TENM2: variants seen among roughly 807,000 people sequenced by gnomAD.
TENM2 encodes teneurin transmembrane protein 2.
In TENM2, 52 loss-of-function variants were observed where a neutral mutation model predicts 245.2. The observed-to-expected ratio is 0.21, with a 90% confidence interval of 0.17 to 0.27. The LOEUF (loss-of-function observed/expected upper bound fraction) is 0.27, where lower values mean the gene tolerates loss of function less well. Among genes scored for constraint, TENM2 ranks in the 10% least tolerant of loss-of-function variants. The pLI, the probability that TENM2 is intolerant of heterozygous loss-of-function variation, is 1.00. For missense variants in TENM2, 3,046 were observed against 3,666.8 expected (o/e 0.83, Z 4.37); for synonymous variants, 1,363 against 1,438.9 (o/e 0.95, Z 1.19).
chr5:168,168,948 C>G (rs959417574), intron 13 of TENM2, among the ~76,000 whole-genome samples: 1 of 152,070 alleles, frequency 6.6e-6, no homozygotes, highest in African/African-American at 2.4e-5. Flanking sequence ...TGAAAATAAG[C>G]CTTTAGAAAT....
the TENM2 span, among the ~76,000 whole-genome samples, chr5:167,111,873 C>T: frequency 5.9e-5 from 9 of 152,126 alleles, no homozygotes; most frequent in Non-Finnish European, 1.2e-4. Flanking sequence ...TCCTATTATG[C>T]CTCATCCAAA....
intron 13 of TENM2, among the ~76,000 whole-genome samples, chr5:168,163,247 T>G (rs990120243): frequency 2.0e-5 from 3 of 152,206 alleles, no homozygotes; most frequent in Non-Finnish European, 4.4e-5. Context: ...TTAGTAAAAT[T>G]GAGACCCAAA....
the TENM2 span, among the ~76,000 whole-genome samples, chr5:167,010,249 G>T: frequency 2.0e-4 from 31 of 152,280 alleles, no homozygotes; most frequent in Admixed American, 1.8e-3. Flanking sequence ...CGGGCATGGT[G>T]GTGCATGCCT....
intron 7 of TENM2, among the ~76,000 whole-genome samples, chr5:168,085,955 T>A (rs1581255829): frequency 6.6e-6 from 1 of 152,334 alleles, no homozygotes; most frequent in East Asian, 1.9e-4. Flanking sequence ...AGTGGCAGGC[T>A]TCCCCGGGAA....
intron 2 of TENM2, among the ~76,000 whole-genome samples, chr5:167,523,052 C>A (rs921116016): frequency 6.6e-6 from 1 of 152,144 alleles, no homozygotes. Context: ...TCTCCCTCTG[C>A]TCCATTTTCC....
chr5:167,989,521 A>G (rs1405915831), intron 4 of TENM2, among the ~76,000 whole-genome samples: 1 of 152,106 alleles, frequency 6.6e-6, no homozygotes. Context: ...ATTAGAAACA[A>G]GGGTCAAAAA....
the TENM2 span, among the ~76,000 whole-genome samples, chr5:167,193,073 C>A: frequency 3.3e-5 from 5 of 151,990 alleles, no homozygotes; most frequent in African/African-American, 1.2e-4. Flanking sequence ...AAACTTTTCT[C>A]TCAAAGGGGA....
chr5:167,366,968 G>C (rs1760094161), intron 1 of TENM2, among the ~76,000 whole-genome samples: 1 of 152,104 alleles, frequency 6.6e-6, no homozygotes, highest in Non-Finnish European at 1.5e-5. Flanking sequence ...CCAGGCTCCT[G>C]GACATTTCAT....
At chr5:167,209,528 AC>A in the TENM2 span, among the ~76,000 whole-genome samples, 2 of 152,160 alleles carry the variant, frequency 1.3e-5, no homozygotes, top group African/African-American at 2.4e-5. Flanking sequence ...TGCTGGGATT[AC>A]AGGTTTGAGC....
the TENM2 span, among the ~76,000 whole-genome samples, chr5:167,189,637 T>C: frequency 1.3e-5 from 2 of 151,846 alleles, no homozygotes; most frequent in African/African-American, 4.8e-5. Flanking sequence ...GGCATGATCA[T>C]AATTCACTGT....
intron 25 of TENM2, among the ~76,000 whole-genome samples, chr5:168,237,000 ATTTTTTTTTTTTTTT>A (rs1167021328): frequency 6.3e-4 from 4 of 6,320 alleles, no homozygotes; most frequent in South Asian, 0.012. Context: ...ATATATATAT[ATTTTTTTTTTTTTTT>A]TTTTTTTTTT....
the TENM2 span, among the ~76,000 whole-genome samples, chr5:167,089,364 AT>A: frequency 6.4e-4 from 97 of 152,326 alleles, no homozygotes; most frequent in South Asian, 1.7e-3. Flanking sequence ...CTGTACTAAT[AT>A]TTAAGCAAAA....
At chr5:167,129,940 G>A in the TENM2 span, among the ~76,000 whole-genome samples, 4,089 of 152,222 alleles carry the variant, frequency 0.027, 162 homozygotes, top group African/African-American at 0.092. Context: ...GGCAGTACCA[G>A]GGCTGAGGTT....
intron 2 of TENM2, among the ~76,000 whole-genome samples, chr5:167,698,547 A>G (rs1757919912): frequency 6.6e-6 from 1 of 152,170 alleles, no homozygotes; most frequent in South Asian, 2.1e-4. Context: ...GCCACTGCAC[A>G]GATATACTGT....
At chr5:167,880,814 C>A (rs2151410305) in intron 3 of TENM2, among the ~76,000 whole-genome samples, 1 of 152,302 alleles carries the variant, frequency 6.6e-6, no homozygotes, top group African/African-American at 2.4e-5. Flanking sequence ...AACCTTAGTT[C>A]TTATAAAGGA....
the TENM2 span, among the ~76,000 whole-genome samples, chr5:167,140,378 G>T: frequency 1.3e-5 from 2 of 151,996 alleles, no homozygotes; most frequent in African/African-American, 4.8e-5. Context: ...TCAAATAGTA[G>T]GTCTTATTCA....
chr5:168,165,469 G>T (rs998513667), intron 13 of TENM2, among the ~76,000 whole-genome samples: 1 of 152,024 alleles, frequency 6.6e-6, no homozygotes, highest in Non-Finnish European at 1.5e-5. Flanking sequence ...AGGAAACTCT[G>T]GGGGACTGTC....
At chr5:167,001,269 A>G in the TENM2 span, among the ~76,000 whole-genome samples, 1 of 152,178 alleles carries the variant, frequency 6.6e-6, no homozygotes, top group South Asian at 2.1e-4. Flanking sequence ...GCTAATGGAA[A>G]GAAAATTACC....
chr5:168,009,024 G>C (rs1439752422), intron 5 of TENM2, among the ~76,000 whole-genome samples: 2 of 152,098 alleles, frequency 1.3e-5, no homozygotes, highest in Admixed American at 1.3e-4. Context: ...AGCAGAATTG[G>C]GTAAAAACTA....
Sources: allele counts gnomAD v4.1 joint callset (sites outside exome capture counted in the v4.1 genomes callset), GRCh38; gene constraint gnomAD v4.1.1; transcripts MANE v1.5; gene names NCBI Gene and HGNC (gene_info 2026-07-23, HGNC 2026-07-21).